The following MAP3K2 variants were observed in gnomAD, a reference collection of about 807,000 sequenced individuals.
MAP3K2 encodes the protein MAP/ERK kinase kinase 2.
In MAP3K2, 24 loss-of-function variants were observed where a neutral mutation model predicts 80.3. The observed-to-expected ratio is 0.30, with a 90% confidence interval of 0.22 to 0.42. The LOEUF (loss-of-function observed/expected upper bound fraction) is 0.42. Ranked by LOEUF, MAP3K2 falls within the 10% of genes least tolerant of loss-of-function variation. MAP3K2 has a pLI of 1.00. For missense variants in MAP3K2, 608 were observed against 750.1 expected (o/e 0.81, Z 2.21); for synonymous variants, 244 against 253.7 (o/e 0.96, Z 0.36).
chr2:127,344,675 A>C lies in MAP3K2; in HGVS notation c.-65-1481T>G, dbSNP rs567204379. 2.0e-5 allele frequency among the ~76,000 whole-genome samples: 3 copies of C among 152,292 alleles called. No homozygotes were observed. In the East Asian group the frequency reaches 5.8e-4, roughly 29 times the overall value. ...AGACCCTGTCTCGAAAACATTTAAA[A>C]AATTGTATAAAATTACCTTTAGCTA... On this transcript the variant is annotated intron_variant, in intron 1 of 16. Transcript: ENST00000682094.
In MAP3K2 at chr2:127,322,960, T is replaced by C. The variant is rs538774636; in HGVS notation, c.839-708A>G. On this transcript the variant is annotated intron_variant, in intron 11 of 16. Coordinates refer to ENST00000682094, the MANE Select transcript of MAP3K2 (RefSeq NM_001371910.2). The surrounding 1 kb of genome is among the most constrained non-coding windows in gnomAD (Gnocchi z 4.2). ...TCATCATCAAAGAGTAATTTTCTAA[T>C]ATCATTTAAAAGTTACTCCTTTTGG... 6.6e-6 allele frequency among the ~76,000 whole-genome samples: 1 copy of C among 151,844 alleles called. No individual in the cohort carries two copies. Among genetic ancestry groups the C allele is most frequent in the African/African-American group, 2.4e-5 (1 of 41,482 alleles).
intron 1 of MAP3K2, among the ~76,000 whole-genome samples, chr2:127,371,884 C>T (rs1687071468): frequency 6.6e-6 from 1 of 152,182 alleles, no homozygotes; most frequent in Non-Finnish European, 1.5e-5. Context: ...AAAACGACAA[C>T]TCCGTAAGTA....
At chr2:127,332,434 TG>T (rs1190273459) in intron 5 of MAP3K2, among the ~76,000 whole-genome samples, 1 of 152,280 alleles carries the variant, frequency 6.6e-6, no homozygotes, top group Non-Finnish European at 1.5e-5. Flanking sequence ...ATGATTCTGC[TG>T]CTCTTCAGTT....
intron 5 of MAP3K2, among the ~76,000 whole-genome samples, chr2:127,333,276 TAACA>T (rs1278976419): frequency 2.5e-5 from 3 of 120,916 alleles, no homozygotes; most frequent in Non-Finnish European, 3.4e-5. Context: ...CCAACCCTCA[TAACA>T]CACACACACA....
intron 1 of MAP3K2, among the ~76,000 whole-genome samples, chr2:127,375,707 G>A (rs1245974917): frequency 6.6e-6 from 1 of 152,020 alleles, no homozygotes. Context: ...CCTGCAACTA[G>A]TACCTGCTAC....
intron 1 of MAP3K2, among the ~76,000 whole-genome samples, chr2:127,359,909 T>TA (rs1686856821): frequency 6.6e-6 from 1 of 152,202 alleles, no homozygotes; most frequent in Non-Finnish European, 1.5e-5. Flanking sequence ...GTGAGCCAAT[T>TA]AAACCTCTTT....
intron 1 of MAP3K2, among the ~76,000 whole-genome samples, chr2:127,360,154 C>T (rs974713671): frequency 6.6e-6 from 1 of 152,116 alleles, no homozygotes; most frequent in Non-Finnish European, 1.5e-5. Context: ...AATTGTGGTA[C>T]AGCCATACAG....
In MAP3K2 at chr2:127,364,693, A is replaced by G. The variant is rs1252795642; in HGVS notation, c.-65-21499T>C. Among the ~76,000 whole-genome samples, 1 of 152,124 alleles carries G rather than the reference A, an allele frequency of 6.6e-6. No homozygotes were observed. Among genetic ancestry groups the G allele is most frequent in the Non-Finnish European group, 1.5e-5 (1 of 68,022 alleles). Reference sequence around the variant, plus strand: ...CATGTGCTCTCTGCCACTAGACTACAATAACCTCAAATATAGGAACTATGT... The same window carrying G: ...CATGTGCTCTCTGCCACTAGACTACGATAACCTCAAATATAGGAACTATGT... On this transcript the variant is annotated intron_variant, in intron 1 of 16. Transcript: ENST00000682094. This position sits in a 1 kb window ranked among gnomAD's most constrained non-coding sequence, Gnocchi z 4.1.
chr2:127,316,201 T>TAAAAATA (rs1685899595), intron 14 of MAP3K2, among the ~76,000 whole-genome samples: 1 of 151,784 alleles, frequency 6.6e-6, no homozygotes, highest in African/African-American at 2.4e-5. Context: ...TGGTGAAACC[T>TAAAAATA]CGTCTCTACT....
chr2:127,322,444 T>TGTA lies in MAP3K2; in HGVS notation c.839-195_839-193dup, dbSNP rs1468798018. Reference sequence around the variant, plus strand: ...TCAAATAATCTCTTATGATAAAACATGTATGAGTGTGCACACAGAAACATA... The same window carrying TGTA: ...TCAAATAATCTCTTATGATAAAACATGTAGTATGAGTGTGCACACAGAAACATA... On this transcript the variant is annotated intron_variant, in intron 11 of 16. Coordinates refer to ENST00000682094, the MANE Select transcript of MAP3K2 (RefSeq NM_001371910.2). The surrounding 1 kb of genome is among the most constrained non-coding windows in gnomAD (Gnocchi z 4.2). Among the ~76,000 whole-genome samples, 14 of 152,272 alleles carry TGTA rather than the reference T, an allele frequency of 9.2e-5. No homozygotes were observed. Among genetic ancestry groups the TGTA allele is most frequent in the Admixed American group, 3.3e-4 (5 of 15,298 alleles).
intron 15 of MAP3K2, among the ~76,000 whole-genome samples, chr2:127,312,884 C>T (rs1019319109): frequency 1.3e-5 from 2 of 151,748 alleles, no homozygotes; most frequent in African/African-American, 4.8e-5. Context: ...ATCACTTGAA[C>T]CCAGGGTGGG....
rs1027290737 is a variant in MAP3K2 at position 127,335,536 on chromosome 2, T to C, written c.264+334A>G. Among the ~76,000 whole-genome samples the C allele has an allele frequency of 1.1e-4, 16 of 152,322 alleles. No individual in the cohort carries two copies. In the South Asian group the frequency reaches 2.1e-3, roughly 20 times the overall value. ...TTAACTACCAAAGCTCTGTCATCTG[T>C]AGCCAAGTGTAGAGTATGAGAGGAA... On this transcript the variant is annotated intron_variant, in intron 5 of 16. Transcript: ENST00000682094.
intron 1 of MAP3K2, among the ~76,000 whole-genome samples, chr2:127,383,719 G>A (rs1687291081): frequency 6.6e-6 from 1 of 152,120 alleles, no homozygotes; most frequent in Non-Finnish European, 1.5e-5. Context: ...CATTTTGGGA[G>A]GCCAAAGTGG....
chr2:127,381,768 T>C (rs879333350), intron 1 of MAP3K2, among the ~76,000 whole-genome samples: 4 of 152,230 alleles, frequency 2.6e-5, no homozygotes, highest in Admixed American at 6.5e-5. Flanking sequence ...AGTGTACGTC[T>C]CCTAATGGGA....
intron 5 of MAP3K2, among the ~76,000 whole-genome samples, chr2:127,331,114 T>C (rs1686248054): frequency 6.6e-6 from 1 of 152,166 alleles, no homozygotes; most frequent in Non-Finnish European, 1.5e-5. Flanking sequence ...AACTATTCCA[T>C]AGTAAACCCT....
At position 127,321,839 on chromosome 2, in the gene MAP3K2, CAAGTG is replaced by C. The variant is rs1458051929; in HGVS notation, c.1045+202_1045+206del. Among the ~76,000 whole-genome samples the C allele has an allele frequency of 6.6e-6, 1 of 152,188 alleles. No homozygotes were observed. Among genetic ancestry groups the C allele is most frequent in the Admixed American group, 6.5e-5 (1 of 15,282 alleles). The stretch of plus-strand genomic sequence containing the variant: ...CTAGTTGGTAATAATTTTCCTAATA[CAAGTG>C]AAGAACAGAATTATCTAAAGTAATT... On this transcript the variant is annotated intron_variant, in intron 12 of 16. Transcript: ENST00000682094. This position sits in a 1 kb window ranked among gnomAD's most constrained non-coding sequence, Gnocchi z 4.4.
At chr2:127,388,043 G>A, upstream of MAP3K2, 2 of 983,318 alleles carry the variant, frequency 2.0e-6, no homozygotes, top group Non-Finnish European at 2.4e-6. Context: ...CCCGGCGGTA[G>A]CGGAACCCGC....
chr2:127,357,937 A>G (rs1430951205), intron 1 of MAP3K2, among the ~76,000 whole-genome samples: 1 of 152,212 alleles, frequency 6.6e-6, no homozygotes, highest in African/African-American at 2.4e-5. Context: ...TTTGAAGAGC[A>G]AAAGTACAGT....
At chr2:127,336,053 T>A (rs759167606) in intron 4 of MAP3K2, 84 bp from the exon 5 acceptor site, 1 of 721,878 alleles carries the variant, frequency 1.4e-6, no homozygotes, top group Admixed American at 2.4e-5. Flanking sequence ...TTTAGAGTGA[T>A]ACAAGATTAA....
Sources: allele counts gnomAD v4.1 joint callset (sites outside exome capture counted in the v4.1 genomes callset), GRCh38; gene constraint gnomAD v4.1.1; non-coding constraint Gnocchi (gnomAD v3.1); transcripts MANE v1.5; gene names NCBI Gene and HGNC (gene_info 2026-07-23, HGNC 2026-07-21).